The following VWA8 variants were observed in gnomAD, a reference collection of about 807,000 sequenced individuals.
VWA8 encodes the protein von Willebrand factor A domain-containing protein 8.
A neutral mutation model predicts 241.5 loss-of-function variants in VWA8; 221 were observed. The observed-to-expected ratio is 0.91, with a 90% confidence interval of 0.82 to 1.02. VWA8 has a LOEUF of 1.02. Among genes scored for constraint, VWA8 ranks in the 50% least tolerant of loss-of-function variants. The pLI, the probability that VWA8 is intolerant of heterozygous loss-of-function variation, is 0.00. For synonymous variants in VWA8, 852 were observed against 827.1 expected, an observed-to-expected ratio of 1.03 and a Z score of -0.52; for missense variants, 2,322 against 2,328.7, an observed-to-expected ratio of 1.00 and a Z score of 0.06.
Position 41,703,395 on chromosome 13 carries a change from G to C in VWA8, c.3133C>G (p.Gln1045Glu). The C allele has an allele frequency of 6.2e-7, 1 of 1,613,994 alleles. No individual in the cohort carries two copies. The highest frequency in any genetic ancestry group is 8.5e-7 in the Non-Finnish European group (1 of 1,179,934). The change falls in exon 27 of 45, where the codon CAA becomes GAA. Residue 1045 changes from glutamine to glutamate, a missense_variant. By Grantham distance (29) the Gln-to-Glu change is conservative. Coordinates refer to ENST00000379310, the MANE Select transcript of VWA8 (RefSeq NM_015058.2). ...QLAKELTLPE[Q>E]TFMGYWTIGQ... Reference sequence around the variant, plus strand: ...ATTGTCCAGTAGCCCATGAACGTTTGTTCTGGCAGAGTCAACCTGTTAAGG... The same window carrying C: ...ATTGTCCAGTAGCCCATGAACGTTTCTTCTGGCAGAGTCAACCTGTTAAGG...
chr13:41,738,057 G>A (rs985032022), intron 21 of VWA8, among the ~76,000 whole-genome samples: 1 of 152,106 alleles, frequency 6.6e-6, no homozygotes, highest in Non-Finnish European at 1.5e-5. Flanking sequence ...AAATACGATA[G>A]TGTAAAAAGT....
chr13:41,645,536 C>T (rs2044825570), intron 37 of VWA8, among the ~76,000 whole-genome samples: 1 of 152,160 alleles, frequency 6.6e-6, no homozygotes, highest in South Asian at 2.1e-4. Context: ...TGCGGCAGGC[C>T]CCTTTTTATG....
intron 2 of VWA8, among the ~76,000 whole-genome samples, chr13:41,949,031 T>TAAAAAAAAAAAAAAAA (rs35506856): frequency 1.6e-5 from 1 of 63,402 alleles, no homozygotes; most frequent in Non-Finnish European, 2.9e-5. Context: ...TCTACCATCA[T>TAAAAAAAAAAAAAAAA]AAAAAAAAAA....
rs758101871 is a variant in VWA8, at chr13:41,587,603, C to T, written c.5180G>A (p.Arg1727His). 17 of 1,614,194 alleles carry T rather than the reference C, an allele frequency of 1.1e-5. No individual in the cohort carries two copies. Among genetic ancestry groups the T allele is most frequent in the African/African-American group, 2.7e-5 (2 of 75,052 alleles). ...LVVDVSGSMY[R>H]FNRMDGRLER... ...AAGCCGGCCATCCATCCTGTTGAAACGGTACATGCTACCAGACACATCTAC... is the reference window on the plus strand; with the variant it reads ...AAGCCGGCCATCCATCCTGTTGAAATGGTACATGCTACCAGACACATCTAC... Residue 1727 changes from arginine (R) to histidine (H), a missense_variant, in exon 42 of 45, where the codon CGT (arginine) becomes CAT (histidine). By Grantham distance (29) the Arg-to-His change is conservative. Coordinates refer to ENST00000379310, the MANE Select transcript of VWA8 (RefSeq NM_015058.2).
intron 9 of VWA8, among the ~76,000 whole-genome samples, chr13:41,874,712 C>T (rs1306543199): frequency 6.6e-6 from 1 of 152,124 alleles, no homozygotes; most frequent in African/African-American, 2.4e-5. Flanking sequence ...AATCCTGTCC[C>T]ATCAGGCCAT....
At chr13:41,660,279 C>T (rs1249739305) in intron 37 of VWA8, among the ~76,000 whole-genome samples, 1 of 152,116 alleles carries the variant, frequency 6.6e-6, no homozygotes, top group African/African-American at 2.4e-5. Context: ...CCATGCCTGG[C>T]TAGTTTTTGT....
At position 41,851,368 on chromosome 13, in the gene VWA8, A is replaced by G. The variant is rs1485481592; in HGVS notation, c.1425+14368T>C. Among the ~76,000 whole-genome samples the G allele has an allele frequency of 2.6e-5, 4 of 152,320 alleles. No homozygotes were observed. The East Asian group carries it at 7.7e-4, about 29-fold the overall frequency. ...CAGTGGCTGGCTTATTTCACTTAGC[A>G]TAATGTCCTCCAGGTTTATTTACAT... On this transcript the variant is annotated intron_variant, in intron 12 of 44. Coordinates refer to ENST00000379310, the MANE Select transcript of VWA8 (RefSeq NM_015058.2).
intron 26 of VWA8, among the ~76,000 whole-genome samples, chr13:41,710,529 C>T (rs558542083): frequency 4.3e-4 from 65 of 152,210 alleles, no homozygotes; most frequent in Non-Finnish European, 7.5e-4. Flanking sequence ...CATCACCACT[C>T]TTCTGCTTAT....
chr13:41,580,022 T>A (rs2044372614), intron 42 of VWA8, among the ~76,000 whole-genome samples: 1 of 140,940 alleles, frequency 7.1e-6, no homozygotes, highest in Non-Finnish European at 1.6e-5. Context: ...AATTTTTGTA[T>A]TTTTTTTTTT....
chr13:41,916,296 A>T (rs901815039), intron 2 of VWA8, among the ~76,000 whole-genome samples: 1 of 152,230 alleles, frequency 6.6e-6, no homozygotes, highest in Non-Finnish European at 1.5e-5. Context: ...CAAGATTTAT[A>T]CCTAAGTTGT....
intron 12 of VWA8, among the ~76,000 whole-genome samples, chr13:41,852,082 C>A (rs1872550410): frequency 6.6e-6 from 1 of 152,138 alleles, no homozygotes. Context: ...ACATGCTTAC[C>A]AACATTTGTT....
chr13:41,683,581 T>C, intron 35 of VWA8, among the ~76,000 whole-genome samples: 1 of 152,170 alleles, frequency 6.6e-6, no homozygotes. Flanking sequence ...TGGTGAATTT[T>C]ACTGTATATA....
chr13:41,842,256 G>A (rs551624853), intron 12 of VWA8, among the ~76,000 whole-genome samples: 1 of 152,292 alleles, frequency 6.6e-6, no homozygotes, highest in East Asian at 1.9e-4. Flanking sequence ...CAGGCATGCT[G>A]CCAACATTCC....
At chr13:41,657,377 C>T (rs576895836) in intron 37 of VWA8, among the ~76,000 whole-genome samples, 23 of 151,980 alleles carry the variant, frequency 1.5e-4, no homozygotes, top group African/African-American at 4.6e-4. Flanking sequence ...TTGTCATATT[C>T]TATGTTCCTA....
At chr13:41,875,089 GAACA>G (rs1203634193) in intron 9 of VWA8, among the ~76,000 whole-genome samples, 2 of 152,064 alleles carry the variant, frequency 1.3e-5, no homozygotes, top group East Asian at 3.9e-4. Flanking sequence ...TTTGTTAAAT[GAACA>G]AACAAAATTA....
chr13:41,743,572 C>T (rs781119340), intron 21 of VWA8, among the ~76,000 whole-genome samples: 6 of 152,226 alleles, frequency 3.9e-5, no homozygotes, highest in Non-Finnish European at 8.8e-5. Flanking sequence ...GCCAGAATGT[C>T]TCACCACAAA....
chr13:41,955,167 TATA>T (rs527678629), intron 1 of VWA8, among the ~76,000 whole-genome samples: 193 of 152,334 alleles, frequency 1.3e-3, no homozygotes, highest in African/African-American at 4.5e-3. Flanking sequence ...TCAAGCCATC[TATA>T]ATGATTTAAG....
chr13:41,838,689 G>A (rs1478295324), intron 12 of VWA8, among the ~76,000 whole-genome samples: 1 of 152,066 alleles, frequency 6.6e-6, no homozygotes, highest in Admixed American at 6.6e-5. Flanking sequence ...AAATATATCT[G>A]AACAGTCTAA....
chr13:41,934,975 G>A (rs982073359), intron 2 of VWA8, among the ~76,000 whole-genome samples: 5 of 151,934 alleles, frequency 3.3e-5, no homozygotes, highest in Non-Finnish European at 7.4e-5. Context: ...TAGGCTTATG[G>A]ACAATTTTGG....
Sources: allele counts gnomAD v4.1 joint callset (sites outside exome capture counted in the v4.1 genomes callset), GRCh38; gene constraint gnomAD v4.1.1; transcripts MANE v1.5; gene names NCBI Gene and HGNC (gene_info 2026-07-23, HGNC 2026-07-21).